Variants in SYTL5 observed in about 807,000 individuals in gnomAD.
The protein encoded by SYTL5 is synaptotagmin like 5.
SYTL5 carries 34 observed loss-of-function variants against 55.9 expected under a neutral mutation model. The ratio of observed to expected loss-of-function variants is 0.61; its 90% CI spans 0.46 to 0.81. SYTL5 has a LOEUF of 0.81. SYTL5 is among the 30% of genes least tolerant of loss of function. The pLI, the probability that SYTL5 is intolerant of heterozygous loss-of-function variation, is 0.00. For synonymous variants in SYTL5, 221 were observed against 188.7 expected (o/e 1.17, Z -1.40); for missense variants, 637 against 546.7 (o/e 1.17, Z -1.65).
At chrX:37,972,536 G>A in the SYTL5 span, among the ~76,000 whole-genome samples, 3 of 111,156 alleles carry the variant, frequency 2.7e-5, no homozygotes, top group African/African-American at 9.8e-5. Flanking sequence ...AGTCTTCTCT[G>A]AGGCCCCATA....
chrX:37,931,810 C>T, the SYTL5 span, among the ~76,000 whole-genome samples: 3 of 111,165 alleles, frequency 2.7e-5, no homozygotes, highest in Admixed American at 9.6e-5. Flanking sequence ...GAATTATAAA[C>T]AGGGCTAATA....
chrX:38,066,108 A>G (rs1258167224), intron 3 of SYTL5, among the ~76,000 whole-genome samples: 1 of 111,211 alleles, frequency 9.0e-6, no homozygotes, highest in Admixed American at 9.6e-5. Flanking sequence ...TCAAAAAAAA[A>G]TGCTGTGTAA....
At chrX:38,060,588 AATAAATGGTTG>A (rs1305788643) in intron 3 of SYTL5, among the ~76,000 whole-genome samples, 1 of 111,947 alleles carries the variant, frequency 8.9e-6, no homozygotes, top group African/African-American at 3.2e-5. Context: ...TGAATGGATG[AATAAATGGTTG>A]GCCTCTACTT....
At chrX:37,997,613 C>A in the SYTL5 span, among the ~76,000 whole-genome samples, 1 of 112,488 alleles carries the variant, frequency 8.9e-6, no homozygotes. Flanking sequence ...ACTTTGGGCT[C>A]TGACAAGCTT....
the SYTL5 span, among the ~76,000 whole-genome samples, chrX:37,932,746 A>G: frequency 8.9e-6 from 1 of 112,056 alleles, no homozygotes; most frequent in South Asian, 3.7e-4. Context: ...AGAAGGGCTC[A>G]GCAGGACAAA....
chrX:37,956,034 AC>A, the SYTL5 span, among the ~76,000 whole-genome samples: 3 of 112,109 alleles, frequency 2.7e-5, no homozygotes, highest in South Asian at 1.1e-3. Context: ...TGGGAAAGAT[AC>A]AAAATGTAAC....
chrX:37,933,361 C>T, the SYTL5 span, among the ~76,000 whole-genome samples: 2 of 111,456 alleles, frequency 1.8e-5, no homozygotes, highest in Non-Finnish European at 3.8e-5. Context: ...CCCCTCTCTT[C>T]AGCCCCATGG....
chrX:38,095,369 T>C (rs916422928), intron 8 of SYTL5, among the ~76,000 whole-genome samples: 1 of 112,004 alleles, frequency 8.9e-6, no homozygotes, highest in Non-Finnish European at 1.9e-5. Flanking sequence ...ACTTCTGCAT[T>C]ATTTTTTTCA....
At chrX:37,938,211 A>G in the SYTL5 span, among the ~76,000 whole-genome samples, 2 of 112,134 alleles carry the variant, frequency 1.8e-5, no homozygotes, top group East Asian at 2.8e-4. Flanking sequence ...AAACTTATCT[A>G]TGGATGTCCT....
At chrX:38,052,993 G>C (rs141607510) in intron 2 of SYTL5, among the ~76,000 whole-genome samples, 1,226 of 112,209 alleles carry the variant, frequency 0.011, 10 homozygotes, top group Middle Eastern at 0.046. Context: ...CACATCCAAA[G>C]CTAATTATGT....
At chrX:38,022,005 A>G (rs1314590586) in intron 1 of SYTL5, among the ~76,000 whole-genome samples, 6 of 112,735 alleles carry the variant, frequency 5.3e-5, no homozygotes, top group Non-Finnish European at 1.1e-4. Flanking sequence ...TGGATAGAAT[A>G]GTATTTTTGC....
the SYTL5 span, among the ~76,000 whole-genome samples, chrX:37,931,531 C>A: frequency 9.0e-6 from 1 of 111,573 alleles, no homozygotes; most frequent in East Asian, 2.8e-4. Flanking sequence ...TTCTATAGAG[C>A]ATTTATCAGT....
chrX:38,014,091 C>T (rs1312648248), intron 1 of SYTL5, among the ~76,000 whole-genome samples: 1 of 112,283 alleles, frequency 8.9e-6, no homozygotes, highest in Non-Finnish European at 1.9e-5. Context: ...TCTACACTGT[C>T]ATAATAAAAC....
chrX:38,099,076 A>G (rs1043494623), intron 9 of SYTL5, among the ~76,000 whole-genome samples: 2 of 110,834 alleles, frequency 1.8e-5, no homozygotes, highest in Admixed American at 9.6e-5. Flanking sequence ...ATTATATTGA[A>G]GTTTGCTCAA....
At chrX:37,984,991 G>T in the SYTL5 span, among the ~76,000 whole-genome samples, 1 of 111,946 alleles carries the variant, frequency 8.9e-6, no homozygotes, top group Admixed American at 9.5e-5. Flanking sequence ...TTGATAAAGG[G>T]TATCTATGAA....
At chrX:38,073,803 G>T in intron 5 of SYTL5, 105 bp downstream of exon 5, 1 of 468,625 alleles carries the variant, frequency 2.1e-6, no homozygotes, top group Non-Finnish European at 3.5e-6. Flanking sequence ...ATGACCCAGA[G>T]GAGGTCAGAG....
the SYTL5 span, chrX:37,991,131 G>A: frequency 9.8e-5 from 118 of 1,209,591 alleles, no homozygotes; most frequent in African/African-American, 1.4e-4. Flanking sequence ...GCCCCACAGC[G>A]CTGAGAGTGA....
At chrX:37,898,843 T>A in the SYTL5 span, among the ~76,000 whole-genome samples, 9 of 112,286 alleles carry the variant, frequency 8.0e-5, no homozygotes, top group East Asian at 2.5e-3. Context: ...TTTCTCTTTT[T>A]TATAGATGAG....
At chrX:37,995,582 G>A in the SYTL5 span, among the ~76,000 whole-genome samples, 1 of 112,097 alleles carries the variant, frequency 8.9e-6, no homozygotes, top group Admixed American at 9.4e-5. Context: ...TGAGCAGCAA[G>A]CAGGCCTCTC....
Sources: allele counts gnomAD v4.1 joint callset (sites outside exome capture counted in the v4.1 genomes callset), GRCh38; gene constraint gnomAD v4.1.1; transcripts MANE v1.5; gene names NCBI Gene and HGNC (gene_info 2026-07-23, HGNC 2026-07-21).